Variants in MON2 observed in about 807,000 individuals in gnomAD.
The protein encoded by MON2 is protein MON2 homolog.
A neutral mutation model predicts 208.6 loss-of-function variants in MON2; 84 were observed. The ratio of observed to expected loss-of-function variants is 0.40; its 90% CI spans 0.34 to 0.48. The LOEUF (loss-of-function observed/expected upper bound fraction) is 0.48. Among genes scored for constraint, MON2 ranks in the 20% least tolerant of loss-of-function variants. The probability of loss-of-function intolerance (pLI) is 0.59; values close to 1 mark genes in which losing one functional copy is unlikely to be tolerated. For synonymous variants in MON2, 660 were observed against 694.0 expected (o/e 0.95, Z 0.77); for missense variants, 1,611 against 2,015.4 (o/e 0.80, Z 3.84).
At chr12:62,492,640 G>A (rs1449305541) in intron 2 of MON2, among the ~76,000 whole-genome samples, 9 of 146,840 alleles carry the variant, frequency 6.1e-5, no homozygotes, top group African/African-American at 2.0e-4. Flanking sequence ...CAAAGTGCTG[G>A]GATTACAGGC....
intron 29 of MON2, among the ~76,000 whole-genome samples, chr12:62,567,997 G>C (rs1565695084): frequency 6.6e-6 from 1 of 152,162 alleles, no homozygotes. Flanking sequence ...TTGAGATACA[G>C]CATTTAATGA....
intron 12 of MON2, among the ~76,000 whole-genome samples, chr12:62,534,543 A>ATATATATATATATATATATATTT (rs2072850330): frequency 9.1e-5 from 2 of 21,918 alleles, no homozygotes; most frequent in African/African-American, 3.8e-4. Flanking sequence ...AAAAAAAAAA[A>ATATATATATATATATATATATTT]TATATATATA....
chr12:62,565,074 T>C, intron 26 of MON2, 163 bp from the exon 27 acceptor site: 1 of 624,576 alleles, frequency 1.6e-6, no homozygotes, highest in Non-Finnish European at 2.7e-6. Context: ...CTTTATTCTA[T>C]AACAGTTTAA....
intron 1 of MON2, among the ~76,000 whole-genome samples, chr12:62,478,882 T>C (rs1048856151): frequency 7.9e-5 from 12 of 152,086 alleles, no homozygotes; most frequent in Non-Finnish European, 1.8e-4. Context: ...GAGAAAAAGG[T>C]ACAAGATAGG....
At chr12:62,558,038 G>A (rs1388193255) in intron 25 of MON2, among the ~76,000 whole-genome samples, 3 of 128,680 alleles carry the variant, frequency 2.3e-5, no homozygotes, top group Admixed American at 9.2e-5. Context: ...GCAATGGCAC[G>A]ATCTTGGCTC....
In MON2 at chr12:62,578,304, C is replaced by T; in HGVS notation, c.4515-141C>T. The T allele has an allele frequency of 5.1e-6, 3 of 590,168 alleles. 1 individual carries two copies. In the South Asian group the frequency reaches 6.7e-5, roughly 13 times the overall value. 36.6% of individuals were successfully genotyped at this position (590,168 alleles called of 1,614,324 possible). A position where few individuals can be genotyped will look rare whatever the true frequency, so the allele number is the denominator to read the frequency against. ...TTAAACTAATGACTTTAATTTACAA[C>T]ATTACTCTTTTAAATAAATAATAAT... is the stretch of plus-strand genomic sequence containing the variant. On this transcript the variant is annotated intron_variant, in intron 30 of 34. Coordinates refer to ENST00000393630, the MANE Select transcript of MON2 (RefSeq NM_015026.3).
intron 26 of MON2, among the ~76,000 whole-genome samples, chr12:62,562,233 C>T (rs17098060): frequency 0.057 from 8,617 of 151,268 alleles, 469 homozygotes; most frequent in East Asian, 0.25. Flanking sequence ...TTGAGATGCC[C>T]GTAATCTGGT....
intron 3 of MON2, among the ~76,000 whole-genome samples, chr12:62,494,346 G>A (rs2070349766): frequency 6.6e-6 from 1 of 152,048 alleles, no homozygotes; most frequent in South Asian, 2.1e-4. Context: ...AAAGAGGAGG[G>A]AAGAGCGTGA....
In MON2 at chr12:62,556,155, G is replaced by A. The variant is rs1442760723; in HGVS notation, c.3372G>A (p.Arg1124=). The A allele has an allele frequency of 6.2e-7, 1 of 1,613,858 alleles. No homozygotes were observed. Among genetic ancestry groups the A allele is most frequent in the Non-Finnish European group, 8.5e-7 (1 of 1,179,962 alleles). Residue 1124 remains arginine, a synonymous_variant, in exon 25 of 35, where the codon AGG becomes AGA. Coordinates refer to ENST00000393630, the MANE Select transcript of MON2 (RefSeq NM_015026.3). ...TATTAACATTGGCTGGAGTAGCAAGGATCTTCAACACTAGAAGATATTTGC... is the reference window on the plus strand; with the variant it reads ...TATTAACATTGGCTGGAGTAGCAAGAATCTTCAACACTAGAAGATATTTGC... The part of the protein sequence containing the change: ...TWVLTLAGVA[R]IFNTRRYLLQ...
chr12:62,566,196 A>G, intron 28 of MON2, 126 bp from the exon 29 acceptor site: 3 of 1,346,806 alleles, frequency 2.2e-6, no homozygotes, highest in Admixed American at 2.3e-5. Context: ...AAAACTTTGC[A>G]TGTAATATAA....
In MON2 at chr12:62,594,204, C is replaced by T. The variant is rs1325087479; in HGVS notation, c.*1455C>T. 2 of 151,970 alleles carry T rather than the reference C, an allele frequency of 1.3e-5. No individual in the cohort carries two copies. The highest frequency in any genetic ancestry group is 4.8e-5 in the African/African-American group (2 of 41,386). 9.4% of individuals were successfully genotyped at this position (151,970 alleles called of 1,614,324 possible). A position where few individuals can be genotyped will look rare whatever the true frequency, so the allele number is the denominator to read the frequency against. Reference sequence around the variant, plus strand: ...TTTAGTGTATTGGAAGGTCTTTGATCTTAATAGAATTTATAAATTTCAGCT... The same window carrying T: ...TTTAGTGTATTGGAAGGTCTTTGATTTTAATAGAATTTATAAATTTCAGCT... On this transcript the variant is annotated 3_prime_UTR_variant, in exon 35 of 35. Transcript: ENST00000393630.
At chr12:62,556,772 A>G (rs1016513365) in intron 25 of MON2, among the ~76,000 whole-genome samples, 2 of 152,166 alleles carry the variant, frequency 1.3e-5, no homozygotes, top group Admixed American at 1.3e-4. Context: ...ATCATGTAGA[A>G]TGTGTTAGGA....
At chr12:62,546,382 A>AT (rs1373716393) in intron 21 of MON2, among the ~76,000 whole-genome samples, 14 of 152,212 alleles carry the variant, frequency 9.2e-5, no homozygotes, top group Admixed American at 7.2e-4. Flanking sequence ...TTGAAAGTTG[A>AT]TTTTTTCTCT....
intron 2 of MON2, among the ~76,000 whole-genome samples, chr12:62,492,718 C>T (rs1265208311): frequency 1.3e-5 from 2 of 148,860 alleles, no homozygotes; most frequent in East Asian, 2.1e-4. Flanking sequence ...CGGTGGCTCA[C>T]GCCTGTAATC....
intron 34 of MON2, chr12:62,588,904 T>TA (rs1416474546): frequency 2.0e-6 from 3 of 1,467,520 alleles, no homozygotes; most frequent in Non-Finnish European, 2.8e-6. Flanking sequence ...ACCTTGTTTT[T>TA]AATCTCTTAA....
At chr12:62,571,640 C>T (rs2074600374) in intron 30 of MON2, 58 bp downstream of exon 30, 1 of 1,355,090 alleles carries the variant, frequency 7.4e-7, no homozygotes, top group South Asian at 1.4e-5. Flanking sequence ...TCTTCAGTTG[C>T]TCTAAAAACA....
At chr12:62,530,569 T>A (rs2136209939) in intron 11 of MON2, among the ~76,000 whole-genome samples, 1 of 152,306 alleles carries the variant, frequency 6.6e-6, no homozygotes, top group Middle Eastern at 3.4e-3. Flanking sequence ...GTTGAGAATG[T>A]GTTCATACTT....
At position 62,600,189 on chromosome 12, in the gene MON2, G is replaced by A. The variant is rs1014874297; in HGVS notation, c.*7440G>A. On this transcript the variant is annotated 3_prime_UTR_variant, in exon 35 of 35. Transcript: ENST00000393630. The stretch of plus-strand genomic sequence containing the variant: ...AGTGTGTTCTAAAGCGCTGTGCCTG[G>A]AGCATCATCACCACTAGGTGGTTAG... The A allele has an allele frequency of 6.6e-6, 1 of 152,196 alleles. No individual in the cohort carries two copies. 9.4% of individuals were successfully genotyped at this position (152,196 alleles called of 1,614,324 possible).
At chr12:62,477,798 T>G (rs1198285065) in intron 1 of MON2, among the ~76,000 whole-genome samples, 1 of 152,184 alleles carries the variant, frequency 6.6e-6, no homozygotes, top group Non-Finnish European at 1.5e-5. Context: ...TAGTGAGTGC[T>G]TCTGGGAAAG....
Sources: allele counts gnomAD v4.1 joint callset (sites outside exome capture counted in the v4.1 genomes callset), GRCh38; gene constraint gnomAD v4.1.1; transcripts MANE v1.5; gene names NCBI Gene and HGNC (gene_info 2026-07-23, HGNC 2026-07-21).